The following VASH1 variants were observed in gnomAD, a reference collection of about 807,000 sequenced individuals.
VASH1 encodes the protein vasohibin 1, also known as tubulinyl-Tyr carboxypeptidase 1.
In VASH1, 16 loss-of-function variants were observed where a neutral mutation model predicts 35.0. That is an observed-to-expected ratio of 0.46 (90% CI 0.31 to 0.70). VASH1 has a LOEUF of 0.70. Ranked by LOEUF, VASH1 falls within the 30% of genes least tolerant of loss-of-function variation. VASH1 has a pLI of 0.05. For synonymous variants in VASH1, 214 were observed against 200.9 expected, an observed-to-expected ratio of 1.07 and a Z score of -0.55; for missense variants, 505 against 510.7, an observed-to-expected ratio of 0.99 and a Z score of 0.11.
At chr14:76,778,824 C>T (rs901006536) in intron 6 of VASH1, 122 bp from the exon 7 acceptor site, 6 of 939,668 alleles carry the variant, frequency 6.4e-6, no homozygotes, top group African/African-American at 4.8e-5. Context: ...CTGTGCTGTG[C>T]GTTGGAGGGC....
At chr14:76,776,896 C>T (rs896238081) in intron 5 of VASH1, among the ~76,000 whole-genome samples, 1 of 152,148 alleles carries the variant, frequency 6.6e-6, no homozygotes. Flanking sequence ...ACTGTGACTG[C>T]CCCTCCAGGC....
rs539578893 is a variant in VASH1 at position 76,772,189 on chromosome 14, G to A, written c.455+943G>A. On this transcript the variant is annotated intron_variant, in intron 3 of 6. Transcript: ENST00000167106. ...TGAGAGGCGGTGGTTACAGTGAGCC[G>A]AGATCACGCCACCGCACTCCAGCCT... Among the ~76,000 whole-genome samples, 405 of 152,172 alleles carry A rather than the reference G, an allele frequency of 2.7e-3. 5 individuals are homozygous for A. Among genetic ancestry groups the A allele is most frequent in the African/African-American group, 9.4e-3 (389 of 41,516 alleles).
chr14:76,780,490 C>T lies in VASH1; in HGVS notation c.*1472C>T, dbSNP rs1894073396. Reference sequence around the variant, plus strand: ...CCAGGGACAGCTGTCAGTAAGGCTGCAGAAGGGCTGGGGGGCTACACAAGG... The same window carrying T: ...CCAGGGACAGCTGTCAGTAAGGCTGTAGAAGGGCTGGGGGGCTACACAAGG... On this transcript the variant is annotated 3_prime_UTR_variant, in exon 7 of 7. Transcript: ENST00000167106. 1.3e-5 allele frequency: 2 copies of T among 152,352 alleles called. No individual in the cohort carries two copies. The highest frequency in any genetic ancestry group is 2.9e-5 in the Non-Finnish European group (2 of 68,174). 9.4% of individuals were successfully genotyped at this position (152,352 alleles called of 1,614,324 possible). A position where few individuals can be genotyped will look rare whatever the true frequency, so the allele number is the denominator to read the frequency against.
At chr14:76,770,269 G>A (rs1893756991) in intron 2 of VASH1, among the ~76,000 whole-genome samples, 1 of 152,170 alleles carries the variant, frequency 6.6e-6, no homozygotes, top group Admixed American at 6.5e-5. Flanking sequence ...GGCCCACTCT[G>A]CACTCTCTGC....
intron 2 of VASH1, among the ~76,000 whole-genome samples, chr14:76,770,612 G>GCACTGGGCC (rs869140849): frequency 6.6e-6 from 1 of 151,340 alleles, no homozygotes; most frequent in Non-Finnish European, 1.5e-5. Flanking sequence ...CTGTGTCCCT[G>GCACTGGGCC]CTCTAGCCCC....
chr14:76,770,363 T>C (rs1363387220), intron 2 of VASH1, among the ~76,000 whole-genome samples: 1 of 3,120 alleles, frequency 3.2e-4, no homozygotes. Flanking sequence ...TGGCCAAGTC[T>C]AGATAGATCT....
intron 3 of VASH1, 63 bp from the exon 4 acceptor site, chr14:76,773,074 T>C (rs573336566): frequency 4.8e-4 from 736 of 1,541,470 alleles, no homozygotes; most frequent in Non-Finnish European, 6.0e-4. Context: ...GCCCCCTCCT[T>C]CTCACATTCC....
rs374525733 is a variant in VASH1, at chr14:76,768,856, G to A, written c.310-1107G>A. Among the ~76,000 whole-genome samples, 56 of 152,330 alleles carry A rather than the reference G, an allele frequency of 3.7e-4. 1 individual carries two copies. The South Asian group carries it at 8.5e-3, about 23-fold the overall frequency. On this transcript the variant is annotated intron_variant, in intron 1 of 6. Coordinates refer to ENST00000167106, the MANE Select transcript of VASH1 (RefSeq NM_014909.5). ...CCGGGTGGAGGCTTGGGGGCAGGGG[G>A]TGGGACCTCTCTATGTGGGGAGCCT... is the stretch of plus-strand genomic sequence containing the variant.
At chr14:76,770,924 A>G (rs1012382227) in intron 2 of VASH1, among the ~76,000 whole-genome samples, 1 of 152,220 alleles carries the variant, frequency 6.6e-6, no homozygotes, top group African/African-American at 2.4e-5. Flanking sequence ...CGCTGTTCCC[A>G]GCCACAGCCT....
chr14:76,767,185 C>G (rs1049065332), intron 1 of VASH1, among the ~76,000 whole-genome samples: 18 of 151,766 alleles, frequency 1.2e-4, no homozygotes, highest in Non-Finnish European at 1.9e-4. Flanking sequence ...ATGAGGTTTT[C>G]AGTGAGCCGA....
chr14:76,777,915 G>T, intron 5 of VASH1, 44 bp from the exon 6 acceptor site: 1 of 1,378,906 alleles, frequency 7.3e-7, no homozygotes, highest in South Asian at 1.7e-5. Context: ...TTGGGCTCCA[G>T]GGCAGTCCTG....
At chr14:76,763,528 C>T (rs770178483) in intron 1 of VASH1, among the ~76,000 whole-genome samples, 4 of 152,158 alleles carry the variant, frequency 2.6e-5, no homozygotes, top group East Asian at 3.8e-4. Context: ...AAAATATTTT[C>T]GTGCATTATG....
chr14:76,771,626 G>A (rs966771538), intron 3 of VASH1, among the ~76,000 whole-genome samples: 4 of 152,138 alleles, frequency 2.6e-5, no homozygotes, highest in Non-Finnish European at 2.9e-5. Context: ...TCTGTTCTGC[G>A]GCTGCCGCAC....
At position 76,761,903 on chromosome 14, in the gene VASH1, C is replaced by A. The variant is rs999945608; in HGVS notation, c.-919C>A. Among the ~76,000 whole-genome samples the A allele has an allele frequency of 2.0e-5, 3 of 151,764 alleles. No homozygotes were observed. Among genetic ancestry groups the A allele is most frequent in the African/African-American group, 7.2e-5 (3 of 41,400 alleles). The stretch of plus-strand genomic sequence containing the variant: ...GTGACCTCAGCCTGGCCCCTGCGCG[C>A]CGCCCGAGCCGGTCCCGCTGAGCCG... On this transcript the variant is annotated 5_prime_UTR_variant, in exon 1 of 7. Transcript: ENST00000167106.
chr14:76,776,162 G>A lies in VASH1; in HGVS notation c.801G>A (p.Pro267=), dbSNP rs372349793. The A allele has an allele frequency of 3.4e-5, 55 of 1,610,534 alleles. No homozygotes were observed. The African/African-American group carries it at 5.7e-4, about 17-fold the overall frequency. Residue 267 remains proline (P), a synonymous_variant, in exon 5 of 7, where the codon CCG becomes CCA. Transcript: ENST00000167106. ...TGGGCCAGAGCGTGTCACACGACCC[G>A]CACAGCGTGGAGCAGATCGAGTGGA... ...VKLGQSVSHD[P]HSVEQIEWKH...
intron 1 of VASH1, among the ~76,000 whole-genome samples, chr14:76,766,803 T>C (rs183023304): frequency 1.7e-4 from 26 of 152,332 alleles, no homozygotes; most frequent in Admixed American, 1.4e-3. Context: ...ACACTGATAA[T>C]GATGACAGTG....
At chr14:76,776,393 C>A in intron 5 of VASH1, 120 bp downstream of exon 5, 1 of 1,326,398 alleles carries the variant, frequency 7.5e-7, no homozygotes, top group Non-Finnish European at 1.0e-6. Context: ...TGGGACCTTG[C>A]TTAGTGGTCG....
In VASH1 at chr14:76,779,299, T is replaced by C. The variant is rs1894035802; in HGVS notation, c.*281T>C. The C allele has an allele frequency of 1.4e-6, 1 of 702,356 alleles. No homozygotes were observed. The highest frequency in any genetic ancestry group is 1.5e-5 in the South Asian group (1 of 67,510). 43.5% of individuals were successfully genotyped at this position (702,356 alleles called of 1,614,324 possible). Reference sequence around the variant, plus strand: ...AACTTAGTCCAAATGGATCTGCTGATGGTGGGAAGGCCAGTGCTTAACAAA... The same window carrying C: ...AACTTAGTCCAAATGGATCTGCTGACGGTGGGAAGGCCAGTGCTTAACAAA... On this transcript the variant is annotated 3_prime_UTR_variant, in exon 7 of 7. Transcript: ENST00000167106.
chr14:76,771,286 T>C (rs753820169), intron 3 of VASH1, 40 bp downstream of exon 3: 2 of 1,549,800 alleles, frequency 1.3e-6, no homozygotes, highest in East Asian at 2.4e-5. Context: ...CAGGGCTGGC[T>C]TGGAGCTTCT....
Sources: gnomAD v4.1 joint callset for allele counts (sites outside exome capture counted in the v4.1 genomes callset) on GRCh38, gnomAD v4.1.1 for gene constraint, MANE v1.5 for transcripts, NCBI Gene and HGNC (gene_info 2026-07-23, HGNC 2026-07-21) for gene names.